The following PPARG variants were observed in gnomAD, a reference collection of about 807,000 sequenced individuals.
The protein encoded by PPARG is peroxisome proliferator activated receptor gamma.
In PPARG, 17 loss-of-function variants were observed where a neutral mutation model predicts 39.2. The ratio of observed to expected loss-of-function variants is 0.43; its 90% CI spans 0.30 to 0.65. The LOEUF (loss-of-function observed/expected upper bound fraction) is 0.65, where lower values mean the gene tolerates loss of function less well. PPARG is among the 30% of genes least tolerant of loss of function. The probability of loss-of-function intolerance (pLI) is 0.13; values close to 1 mark genes in which losing one functional copy is unlikely to be tolerated. For synonymous variants in PPARG, 223 were observed against 215.7 expected (o/e 1.03, Z -0.30); for missense variants, 406 against 585.9 (o/e 0.69, Z 3.17).
intron 2 of PPARG, among the ~76,000 whole-genome samples, chr3:12,359,519 C>T (rs1174010805): frequency 6.6e-6 from 1 of 152,080 alleles, no homozygotes; most frequent in Non-Finnish European, 1.5e-5. Context: ...TTCCCAAACA[C>T]AAGACTCTTG....
chr3:12,354,883 A>T (rs1302907175), intron 2 of PPARG, among the ~76,000 whole-genome samples: 1 of 152,210 alleles, frequency 6.6e-6, no homozygotes, highest in Non-Finnish European at 1.5e-5. Flanking sequence ...GGGCATCCGC[A>T]TGATCTCCTG....
At chr3:12,374,020 C>T (rs2049317302) in intron 2 of PPARG, among the ~76,000 whole-genome samples, 1 of 152,108 alleles carries the variant, frequency 6.6e-6, no homozygotes, top group African/African-American at 2.4e-5. Flanking sequence ...GCCCAGCCAC[C>T]AGATATGCCA....
At chr3:12,375,426 A>G (rs902499480) in intron 2 of PPARG, among the ~76,000 whole-genome samples, 1 of 152,240 alleles carries the variant, frequency 6.6e-6, no homozygotes, top group Non-Finnish European at 1.5e-5. Flanking sequence ...CAGTATTCAT[A>G]CAAAAGCATA....
At chr3:12,289,170 T>C (rs1406798152) in intron 1 of PPARG, 36 bp downstream of exon 1, 1 of 152,236 alleles carries the variant, frequency 6.6e-6, no homozygotes, top group Admixed American at 6.5e-5. Flanking sequence ...TTTGTTGGAA[T>C]GTGTTGGTGA....
intron 2 of PPARG, among the ~76,000 whole-genome samples, chr3:12,342,757 A>G (rs1189771585): frequency 5.3e-5 from 8 of 151,884 alleles, no homozygotes; most frequent in African/African-American, 1.9e-4. Flanking sequence ...CTAATTTTTA[A>G]CAATGAACGC....
intron 7 of PPARG, among the ~76,000 whole-genome samples, chr3:12,417,886 TTCTTTTTTTTTTTTC>T (rs1349925313): frequency 4.5e-5 from 6 of 134,008 alleles, no homozygotes; most frequent in East Asian, 2.1e-4. Context: ...TCTTTTTTTT[TTCTTTTTTTTTTTTC>T]CTTTTTTTTT....
chr3:12,392,418 T>A (rs1444967006), intron 4 of PPARG, among the ~76,000 whole-genome samples, 196 bp from the exon 5 acceptor site: 1 of 152,200 alleles, frequency 6.6e-6, no homozygotes, highest in Non-Finnish European at 1.5e-5. Flanking sequence ...GACCTGGAGA[T>A]CCTCTGGTTC....
intron 1 of PPARG, among the ~76,000 whole-genome samples, chr3:12,310,458 C>CTTTTT (rs1204347882): frequency 1.9e-4 from 13 of 69,906 alleles, no homozygotes; most frequent in East Asian, 5.1e-4. Context: ...TATTTGAGCC[C>CTTTTT]TTTTTTTTTT....
intron 1 of PPARG, among the ~76,000 whole-genome samples, chr3:12,306,114 T>C (rs2047056482): frequency 6.6e-6 from 1 of 152,214 alleles, no homozygotes; most frequent in Admixed American, 6.5e-5. Context: ...AGACAGTTTT[T>C]CAACAGACTG....
intron 2 of PPARG, among the ~76,000 whole-genome samples, chr3:12,376,400 A>G (rs1372225607): frequency 6.6e-6 from 1 of 152,152 alleles, no homozygotes; most frequent in Non-Finnish European, 1.5e-5. Flanking sequence ...AATTGCTCCA[A>G]AAAAATGATA....
intron 2 of PPARG, among the ~76,000 whole-genome samples, chr3:12,322,346 G>A (rs2047570390): frequency 6.6e-6 from 1 of 152,180 alleles, no homozygotes. Context: ...AGTAGTTATT[G>A]CACTACCTTT....
At position 12,405,950 on chromosome 3, in the gene PPARG, G is replaced by A. The variant is rs763647203; in HGVS notation, c.598G>A (p.Asp200Asn). 7 of 1,614,116 alleles carry A rather than the reference G, an allele frequency of 4.3e-6. No homozygotes were observed. Among genetic ancestry groups the A allele is most frequent in the Admixed American group, 1.7e-5 (1 of 60,022 alleles). Residue 200 changes from aspartate to asparagine, a missense_variant, in exon 6 of 8, where the codon GAC (aspartate) becomes AAC (asparagine). Coordinates refer to ENST00000651735, the MANE Select transcript of PPARG (RefSeq NM_138711.6). ...GTTGGCGGAGATCTCCAGTGATATC[G>A]ACCAGCTGAATCCAGAGTCCGCTGA... ...KLLAEISSDI[D>N]QLNPESADLR... is the part of the protein sequence containing the mutation.
In PPARG at chr3:12,379,746, A is replaced by C. The variant is rs375411329; in HGVS notation, c.35A>C (p.Asn12Thr). ...VDTEMPFWPT[N>T]FGISSVDLSV... The stretch of plus-strand genomic sequence containing the variant: ...ACAGAGATGCCATTCTGGCCCACCA[A>C]CTTTGGGATCAGCTCCGTGGATCTC... Residue 12 changes from asparagine to threonine, a missense_variant, in exon 3 of 8, where the codon AAC (asparagine) becomes ACC (threonine). Asn to Thr is a moderately conservative substitution (Grantham distance 65). Coordinates refer to ENST00000651735, the MANE Select transcript of PPARG (RefSeq NM_138711.6). The C allele has an allele frequency of 6.2e-7, 1 of 1,614,024 alleles. No homozygotes were observed. The highest frequency in any genetic ancestry group is 1.1e-5 in the South Asian group (1 of 91,090).
chr3:12,397,395 T>TATC (rs2050305322), intron 5 of PPARG, among the ~76,000 whole-genome samples: 1 of 144,472 alleles, frequency 6.9e-6, no homozygotes, highest in East Asian at 2.0e-4. Context: ...TTATTATTAT[T>TATC]ATTATTATTA....
intron 6 of PPARG, among the ~76,000 whole-genome samples, chr3:12,408,530 A>G (rs1167828965): frequency 1.3e-4 from 19 of 149,984 alleles, no homozygotes; most frequent in Non-Finnish European, 5.9e-5. Flanking sequence ...AAAGCAAACT[A>G]TCTACAGTTT....
chr3:12,320,171 G>A (rs1419100407), intron 2 of PPARG, among the ~76,000 whole-genome samples: 1 of 152,118 alleles, frequency 6.6e-6, no homozygotes, highest in Non-Finnish European at 1.5e-5. Flanking sequence ...AACCTGTTTT[G>A]AGGATGCGTT....
At chr3:12,332,874 T>C (rs962037171) in intron 2 of PPARG, among the ~76,000 whole-genome samples, 2 of 152,010 alleles carry the variant, frequency 1.3e-5, no homozygotes, top group Non-Finnish European at 2.9e-5. Flanking sequence ...CTACAAAAAA[T>C]TTTAAAAATT....
intron 7 of PPARG, among the ~76,000 whole-genome samples, chr3:12,424,200 G>C (rs1049186123): frequency 1.1e-4 from 16 of 152,172 alleles, no homozygotes; most frequent in African/African-American, 3.6e-4. Flanking sequence ...CACAGAGCTG[G>C]GGGCGGGGAT....
intron 1 of PPARG, among the ~76,000 whole-genome samples, chr3:12,295,514 A>AT (rs5741526): frequency 3.5e-4 from 50 of 141,834 alleles, no homozygotes; most frequent in South Asian, 1.3e-3. Context: ...TCAAAAAAAA[A>AT]TTTTTTTTTT....
Sources: allele counts gnomAD v4.1 joint callset (sites outside exome capture counted in the v4.1 genomes callset), GRCh38; gene constraint gnomAD v4.1.1; transcripts MANE v1.5; gene names NCBI Gene and HGNC (gene_info 2026-07-23, HGNC 2026-07-21).